The following SH3BP5 variants were observed in gnomAD, a reference collection of about 807,000 sequenced individuals.
The protein encoded by SH3BP5 is SH3 domain-binding protein 5.
In SH3BP5, 22 loss-of-function variants were observed where a neutral mutation model predicts 43.3. The ratio of observed to expected loss-of-function variants is 0.51; its 90% CI spans 0.36 to 0.73. SH3BP5 has a LOEUF of 0.73. Ranked by LOEUF, SH3BP5 falls within the 30% of genes least tolerant of loss-of-function variation. The probability of loss-of-function intolerance (pLI) is 0.00; values close to 1 mark genes in which losing one functional copy is unlikely to be tolerated. For synonymous variants in SH3BP5, 255 were observed against 225.8 expected (o/e 1.13, Z -1.16); for missense variants, 529 against 586.9 (o/e 0.90, Z 1.02).
chr3:15,259,679 T>C, intron 6 of SH3BP5, 82 bp downstream of exon 6: 2 of 1,258,122 alleles, frequency 1.6e-6, no homozygotes, highest in Non-Finnish European at 2.3e-6. Context: ...AAGTGGCCCA[T>C]GTGATACTCT....
At chr3:15,336,826 C>G (rs576231277), upstream of SH3BP5, among the ~76,000 whole-genome samples, 3 of 152,172 alleles carry the variant, frequency 2.0e-5, no homozygotes, top group East Asian at 5.8e-4. Context: ...TTTACAGTCC[C>G]TCACCCTCTT....
At chr3:15,276,144 A>G (rs1349633776) in intron 3 of SH3BP5, 2 of 152,056 alleles carry the variant, frequency 1.3e-5, no homozygotes, top group Non-Finnish European at 2.9e-5. Context: ...GTCATCGGCA[A>G]AGGAGGTGGC....
chr3:15,298,549 A>G, intron 3 of SH3BP5, among the ~76,000 whole-genome samples: 1 of 152,224 alleles, frequency 6.6e-6, no homozygotes, highest in Admixed American at 6.5e-5. Context: ...CATTCCAACC[A>G]TTCAAAAATA....
chr3:15,267,688 A>C (rs1441950449), intron 4 of SH3BP5, among the ~76,000 whole-genome samples: 1 of 152,170 alleles, frequency 6.6e-6, no homozygotes, highest in East Asian at 1.9e-4. Flanking sequence ...CTTGCACTGC[A>C]CAACTCCAAA....
chr3:15,327,168 C>T (rs1322386080), intron 2 of SH3BP5, among the ~76,000 whole-genome samples: 3 of 151,772 alleles, frequency 2.0e-5, no homozygotes, highest in Non-Finnish European at 2.9e-5. Flanking sequence ...AGCGACGACA[C>T]GAGATCCGGA....
rs1697827026 is a variant in SH3BP5, at chr3:15,303,990, G to A, written c.330+113C>T. 3.6e-6 allele frequency: 3 copies of A among 829,906 alleles called. No individual in the cohort carries two copies. The East Asian group carries it at 7.7e-5, about 21-fold the overall frequency. The allele number at this position is 829,906 out of a possible 1,614,324, so 51.4% of individuals were successfully genotyped here. The stretch of plus-strand genomic sequence containing the variant: ...CGGGGCGGTGGGTCACTGCATTTAA[G>A]ACATATTGGACTCGAGCTTCTAACC... On this transcript the variant is annotated intron_variant, in intron 3 of 8. Transcript: ENST00000383791.
At chr3:15,293,692 T>TG (rs1697477218) in intron 3 of SH3BP5, among the ~76,000 whole-genome samples, 1 of 152,178 alleles carries the variant, frequency 6.6e-6, no homozygotes, top group Admixed American at 6.5e-5. Context: ...CAGGTAGACT[T>TG]GGTTTAAACC....
intron 5 of SH3BP5, chr3:15,260,327 TC>T (rs1696388733): frequency 6.2e-6 from 1 of 160,408 alleles, no homozygotes. Context: ...AGGTTGGTCC[TC>T]CCAAACCTTG....
At chr3:15,333,308 C>T (rs1698660352), upstream of SH3BP5, 5 of 979,852 alleles carry the variant, frequency 5.1e-6, no homozygotes, top group Non-Finnish European at 6.1e-6. Context: ...ATGTCAGGGC[C>T]ACTGTGATGT....
intron 3 of SH3BP5, among the ~76,000 whole-genome samples, chr3:15,286,536 A>T (rs1308581524): frequency 6.6e-6 from 1 of 152,214 alleles, no homozygotes; most frequent in Non-Finnish European, 1.5e-5. Context: ...TGTCAATTCC[A>T]AACACTCCTT....
At chr3:15,311,050 G>A (rs1045685635) in intron 2 of SH3BP5, among the ~76,000 whole-genome samples, 1 of 152,096 alleles carries the variant, frequency 6.6e-6, no homozygotes, top group Admixed American at 6.5e-5. Flanking sequence ...CCTCTTCACA[G>A]GTGTCCCCAG....
intron 3 of SH3BP5, among the ~76,000 whole-genome samples, chr3:15,295,029 G>A (rs1417949735): frequency 2.0e-5 from 3 of 152,058 alleles, no homozygotes; most frequent in Non-Finnish European, 4.4e-5. Flanking sequence ...TGTGCACAGT[G>A]TGTCCTTCCC....
At position 15,304,118 on chromosome 3, in the gene SH3BP5, C is replaced by T; in HGVS notation, c.315G>A (p.Arg105=). The change falls in exon 3 of 9, where the codon CGG becomes CGA. Residue 105 remains arginine, a synonymous_variant. Coordinates refer to ENST00000383791, the MANE Select transcript of SH3BP5 (RefSeq NM_004844.5). ...VEDSKPYWEA[R]RVARQAQLEA... is the part of the protein sequence containing the mutation. ...GCTATCTTACCTGCCTCGCCACCCT[C>T]CGTGCCTCCCAGTAGGGCTTGGAGT... 1 of 1,614,140 alleles carries T rather than the reference C, an allele frequency of 6.2e-7. No individual in the cohort carries two copies.
intron 6 of SH3BP5, 107 bp downstream of exon 6, chr3:15,259,654 C>T (rs1559424125): frequency 9.4e-7 from 1 of 1,064,026 alleles, no homozygotes; most frequent in East Asian, 2.4e-5. Context: ...TGTCTCTCCA[C>T]TTTCCCCTTA....
intron 3 of SH3BP5, among the ~76,000 whole-genome samples, chr3:15,297,653 A>G (rs1697613411): frequency 6.6e-6 from 1 of 152,156 alleles, no homozygotes; most frequent in Non-Finnish European, 1.5e-5. Context: ...AGAGGCTTGA[A>G]AAGGGCTCAC....
chr3:15,282,054 T>C (rs1226076612), intron 3 of SH3BP5, among the ~76,000 whole-genome samples: 1 of 152,094 alleles, frequency 6.6e-6, no homozygotes, highest in African/African-American at 2.4e-5. Flanking sequence ...AAAACTGGCA[T>C]TGATTTGACC....
intron 2 of SH3BP5, among the ~76,000 whole-genome samples, chr3:15,306,501 T>C (rs1016159345): frequency 3.3e-5 from 5 of 151,516 alleles, no homozygotes; most frequent in African/African-American, 9.7e-5. Flanking sequence ...GACCCTGCCC[T>C]GTCTCAAAAC....
chr3:15,262,182 G>C lies in SH3BP5; in HGVS notation c.603C>G (p.Leu201=). 1 of 1,614,118 alleles carries C rather than the reference G, an allele frequency of 6.2e-7. No homozygotes were observed. The change falls in exon 5 of 9, where the codon CTC becomes CTG. Residue 201 remains leucine, a synonymous_variant. Transcript: ENST00000383791. The part of the protein sequence containing the change: ...MGRMRQLEKK[L]KRAINKSKPY... ...ACTTGGACTTGTTGATGGCTCTCTT[G>C]AGTTTCTTCTCCAGCTGTCGCATGC...
chr3:15,276,948 C>T (rs576237713), intron 3 of SH3BP5, among the ~76,000 whole-genome samples: 1 of 151,608 alleles, frequency 6.6e-6, no homozygotes, highest in Admixed American at 6.6e-5. Flanking sequence ...AGCTTTCATT[C>T]TAAATTTTTT....
Sources: gnomAD v4.1 joint callset for allele counts (sites outside exome capture counted in the v4.1 genomes callset) on GRCh38, gnomAD v4.1.1 for gene constraint, MANE v1.5 for transcripts, NCBI Gene and HGNC (gene_info 2026-07-23, HGNC 2026-07-21) for gene names.